LYPD6B: variants seen among roughly 807,000 people sequenced by gnomAD.
LYPD6B encodes LY6/PLAUR domain containing 6B.
In LYPD6B, 17 loss-of-function variants were observed where a neutral mutation model predicts 22.8. The observed-to-expected ratio is 0.75, with a 90% CI of 0.51 to 1.12. The LOEUF (loss-of-function observed/expected upper bound fraction) is 1.12, where lower values mean the gene tolerates loss of function less well. LYPD6B is among the 50% of genes most tolerant of loss of function. The probability of loss-of-function intolerance (pLI) is 0.00; values close to 1 mark genes in which losing one functional copy is unlikely to be tolerated. For missense variants in LYPD6B, 221 were observed against 258.3 expected (o/e 0.86, Z 0.99); for synonymous variants, 106 against 91.6 (o/e 1.16, Z -0.90).
At chr2:149,080,053 G>C (rs746760984) in intron 1 of LYPD6B, among the ~76,000 whole-genome samples, 6 of 152,156 alleles carry the variant, frequency 3.9e-5, no homozygotes, top group Non-Finnish European at 8.8e-5. Context: ...TTTTTGTTAA[G>C]AGTTGCCATA....
chr2:149,062,591 A>C (rs937683617), intron 1 of LYPD6B, among the ~76,000 whole-genome samples: 1 of 152,202 alleles, frequency 6.6e-6, no homozygotes, highest in African/African-American at 2.4e-5. Flanking sequence ...ATACCTGAGA[A>C]GTGATGATTT....
intron 1 of LYPD6B, among the ~76,000 whole-genome samples, chr2:149,122,902 T>C (rs1376795607): frequency 6.6e-6 from 1 of 152,232 alleles, no homozygotes; most frequent in Non-Finnish European, 1.5e-5. Flanking sequence ...AACTGAGTAC[T>C]GTGACATGGT....
At chr2:149,114,645 G>A (rs972161840) in intron 1 of LYPD6B, among the ~76,000 whole-genome samples, 1 of 152,190 alleles carries the variant, frequency 6.6e-6, no homozygotes, top group Admixed American at 6.5e-5. Context: ...GGAGATTCAA[G>A]TGTTCTTAGG....
chr2:149,172,558 C>A (rs1253987847), intron 3 of LYPD6B, among the ~76,000 whole-genome samples: 1 of 152,002 alleles, frequency 6.6e-6, no homozygotes, highest in African/African-American at 2.4e-5. Flanking sequence ...TTCTGTGGAC[C>A]TCCTAATCAG....
intron 3 of LYPD6B, among the ~76,000 whole-genome samples, chr2:149,192,360 C>T (rs1361132017): frequency 3.3e-5 from 5 of 151,128 alleles, no homozygotes; most frequent in South Asian, 2.1e-4. Flanking sequence ...GGCAAAGAAG[C>T]GGCTTCTAAT....
intron 2 of LYPD6B, among the ~76,000 whole-genome samples, chr2:149,145,768 C>T (rs1198081459): frequency 6.6e-6 from 1 of 152,096 alleles, no homozygotes; most frequent in Non-Finnish European, 1.5e-5. Flanking sequence ...GTATTCTGGT[C>T]AATGCAAAAC....
At chr2:149,095,849 T>C (rs753790575) in intron 1 of LYPD6B, among the ~76,000 whole-genome samples, 1 of 149,950 alleles carries the variant, frequency 6.7e-6, no homozygotes, top group African/African-American at 2.5e-5. Flanking sequence ...AGGAGACAGA[T>C]AGACAGAGAG....
At chr2:149,178,506 G>A (rs925645673) in intron 3 of LYPD6B, among the ~76,000 whole-genome samples, 1 of 152,204 alleles carries the variant, frequency 6.6e-6, no homozygotes. Context: ...AAGTGACGGA[G>A]GCCATGCAGT....
At chr2:149,142,476 G>A (rs1018634285) in intron 2 of LYPD6B, among the ~76,000 whole-genome samples, 18 of 152,162 alleles carry the variant, frequency 1.2e-4, no homozygotes, top group Non-Finnish European at 4.4e-5. Context: ...CCTGGGATAC[G>A]AGTGAAAGAA....
rs1256956846 is a variant in LYPD6B, at chr2:149,120,381, A to ATTT, written c.-66-10501_-66-10500insTTT. Among the ~76,000 whole-genome samples the ATTT allele has an allele frequency of 2.7e-3, 117 of 43,482 alleles. 2 individuals carry two copies. Among genetic ancestry groups the ATTT allele is most frequent in the East Asian group, 0.026 (16 of 622 alleles). The allele number at this position is 43,482 out of a possible 152,430, so 28.5% of individuals were successfully genotyped here. A position where few individuals can be genotyped will look rare whatever the true frequency, so the allele number is the denominator to read the frequency against. On this transcript the variant is annotated intron_variant, in intron 1 of 6. Transcript: ENST00000409642. ...TGTGTGTATATATATATATATATATATATTTTTTTTTTTTTTTTTTTGAGA... is the reference window on the plus strand; with the variant it reads ...TGTGTGTATATATATATATATATATATTTTATTTTTTTTTTTTTTTTTTTGAGA...
chr2:149,041,341 A>G (rs1247055323), intron 1 of LYPD6B, among the ~76,000 whole-genome samples: 1 of 152,166 alleles, frequency 6.6e-6, no homozygotes, highest in Non-Finnish European at 1.5e-5. Context: ...GACAACATCC[A>G]AAGCAGAAAA....
chr2:149,164,556 A>G (rs1287710545), intron 3 of LYPD6B, among the ~76,000 whole-genome samples: 1 of 152,186 alleles, frequency 6.6e-6, no homozygotes, highest in Non-Finnish European at 1.5e-5. Flanking sequence ...AAGGAAGCCA[A>G]ATTCAGGCAT....
intron 3 of LYPD6B, among the ~76,000 whole-genome samples, chr2:149,185,162 T>TG (rs1692006344): frequency 1.3e-5 from 2 of 152,328 alleles, no homozygotes; most frequent in South Asian, 4.1e-4. Context: ...GCCCAACTGT[T>TG]GCATGGGCTT....
intron 1 of LYPD6B, among the ~76,000 whole-genome samples, chr2:149,099,230 A>G (rs551068694): frequency 9.8e-5 from 15 of 152,316 alleles, no homozygotes; most frequent in Admixed American, 5.2e-4. Flanking sequence ...AACCCGAATT[A>G]CAGTAAATAA....
intron 3 of LYPD6B, among the ~76,000 whole-genome samples, chr2:149,193,746 G>A (rs535108549): frequency 1.4e-3 from 217 of 152,110 alleles, no homozygotes; most frequent in Non-Finnish European, 2.2e-3. Context: ...ATCTAGTGTT[G>A]TTTCTTGAAA....
chr2:149,169,362 T>C (rs755791396), intron 3 of LYPD6B, among the ~76,000 whole-genome samples: 1 of 152,204 alleles, frequency 6.6e-6, no homozygotes, highest in African/African-American at 2.4e-5. Context: ...GTAGTCCTGA[T>C]TGACTAAACA....
At chr2:149,100,615 T>G (rs1326341736) in intron 1 of LYPD6B, among the ~76,000 whole-genome samples, 2 of 152,110 alleles carry the variant, frequency 1.3e-5, no homozygotes, top group Non-Finnish European at 2.9e-5. Flanking sequence ...CAAAGAGGGT[T>G]AACTAGTCAA....
chr2:149,204,433 CA>C (rs1693374046), intron 3 of LYPD6B: 1 of 154,342 alleles, frequency 6.5e-6, no homozygotes, highest in Non-Finnish European at 1.5e-5. Context: ...GAAGTAGAGC[CA>C]GGGGGCTTAA....
intron 1 of LYPD6B, among the ~76,000 whole-genome samples, chr2:149,106,698 G>A (rs115225443): frequency 1.8e-3 from 275 of 152,138 alleles, no homozygotes; most frequent in African/African-American, 6.5e-3. Context: ...CTGTATGGAA[G>A]GTTATGAAAT....
Sources: gnomAD v4.1 joint callset for allele counts (sites outside exome capture counted in the v4.1 genomes callset) on GRCh38, gnomAD v4.1.1 for gene constraint, MANE v1.5 for transcripts, NCBI Gene and HGNC (gene_info 2026-07-23, HGNC 2026-07-21) for gene names.